Variants in PARP4 observed in about 807,000 individuals in gnomAD.
PARP4 encodes protein mono-ADP-ribosyltransferase PARP4.
A neutral mutation model predicts 187.7 loss-of-function variants in PARP4; 120 were observed. The observed-to-expected ratio is 0.64, with a 90% CI of 0.55 to 0.74. The LOEUF is 0.74. PARP4 is among the 30% of genes least tolerant of loss of function. The pLI is 0.00. For synonymous variants in PARP4, 654 were observed against 740.9 expected (o/e 0.88, Z 1.90); for missense variants, 1,836 against 2,070.5 (o/e 0.89, Z 2.20).
At chr13:24,507,910 AT>A (rs939374803) in intron 1 of PARP4, among the ~76,000 whole-genome samples, 1 of 152,188 alleles carries the variant, frequency 6.6e-6, no homozygotes, top group African/African-American at 2.4e-5. Context: ...CCCATGCTGT[AT>A]CCCCCATCCA....
chr13:24,437,849 C>CA lies in PARP4; in HGVS notation c.3667-2376dup, dbSNP rs1216300092. Among the ~76,000 whole-genome samples the CA allele has an allele frequency of 1.7e-3, 206 of 118,310 alleles. 9 individuals carry two copies. Among genetic ancestry groups the CA allele is most frequent in the South Asian group, 2.1e-3 (8 of 3,744 alleles). The allele number at this position is 118,310 out of a possible 152,430, so 77.6% of individuals were successfully genotyped here. On this transcript the variant is annotated intron_variant, in intron 30 of 33. Coordinates refer to ENST00000381989, the MANE Select transcript of PARP4 (RefSeq NM_006437.4). ...TGGGTGACAGAGTGAGACTCCATCT[C>CA]AAAAAAAAAAAAGAATCATACTGAG...
chr13:24,482,555 C>T (rs1219011060), intron 12 of PARP4, among the ~76,000 whole-genome samples: 1 of 152,164 alleles, frequency 6.6e-6, no homozygotes, highest in Non-Finnish European at 1.5e-5. Flanking sequence ...GACATTGACA[C>T]GAGACCTTCC....
intron 14 of PARP4, among the ~76,000 whole-genome samples, chr13:24,475,975 T>G (rs557203645): frequency 1.3e-5 from 2 of 152,240 alleles, no homozygotes; most frequent in African/African-American, 4.8e-5. Context: ...TTTGTAGAGA[T>G]GAGGTTTAGC....
At chr13:24,426,004 C>T (rs1241233191) in intron 33 of PARP4, among the ~76,000 whole-genome samples, 1 of 152,204 alleles carries the variant, frequency 6.6e-6, no homozygotes, top group African/African-American at 2.4e-5. Context: ...GAGATTAGAA[C>T]ACATTTAATC....
At chr13:24,478,057 A>G in intron 13 of PARP4, 36 bp downstream of exon 13, 3 of 1,524,618 alleles carry the variant, frequency 2.0e-6, no homozygotes, top group Non-Finnish European at 2.7e-6. Flanking sequence ...TTGAGCATTC[A>G]AGACCCTCTT....
chr13:24,462,225 C>T (rs549017986), intron 17 of PARP4, among the ~76,000 whole-genome samples: 6 of 152,272 alleles, frequency 3.9e-5, no homozygotes, highest in South Asian at 2.1e-4. Flanking sequence ...TCACCTCTGT[C>T]GGACAGTGTG....
chr13:24,462,323 T>C (rs905379952), intron 17 of PARP4, among the ~76,000 whole-genome samples: 3 of 152,172 alleles, frequency 2.0e-5, no homozygotes, highest in Non-Finnish European at 4.4e-5. Flanking sequence ...GTAGTGGCAG[T>C]CCACCACTGG....
intron 17 of PARP4, among the ~76,000 whole-genome samples, chr13:24,460,655 T>C (rs1872175178): frequency 6.6e-6 from 1 of 152,250 alleles, no homozygotes; most frequent in South Asian, 2.1e-4. Flanking sequence ...TTAATTATTT[T>C]ACCCTATGGT....
intron 28 of PARP4, among the ~76,000 whole-genome samples, chr13:24,442,903 G>A (rs1871020299): frequency 6.6e-6 from 1 of 152,084 alleles, no homozygotes; most frequent in South Asian, 2.1e-4. Context: ...GCTCTCCCGG[G>A]CAGTGGGCTT....
intron 21 of PARP4, among the ~76,000 whole-genome samples, chr13:24,455,714 C>A (rs1871809345): frequency 6.8e-6 from 1 of 147,684 alleles, no homozygotes; most frequent in Non-Finnish European, 1.5e-5. Context: ...ACCTCCTGGA[C>A]TCAAGTGATC....
chr13:24,500,557 G>A (rs1197620726), intron 3 of PARP4, among the ~76,000 whole-genome samples, 175 bp from the exon 4 acceptor site: 2 of 135,244 alleles, frequency 1.5e-5, no homozygotes, highest in Non-Finnish European at 3.4e-5. Flanking sequence ...ATAAAATAGG[G>A]AGAACATACT....
At chr13:24,449,640 G>T in intron 25 of PARP4, 78 bp downstream of exon 25, 1 of 838,286 alleles carries the variant, frequency 1.2e-6, no homozygotes, top group Non-Finnish European at 2.0e-6. Flanking sequence ...AGGAAACACA[G>T]ATATTCCTAT....
In PARP4 at chr13:24,455,506, T is replaced by TATATATATATATATATATATATCACA. The variant is rs1555234626; in HGVS notation, c.2563-295_2563-294insTGTGATATATATATATATATATATAT. On this transcript the variant is annotated intron_variant, in intron 21 of 33. Coordinates refer to ENST00000381989, the MANE Select transcript of PARP4 (RefSeq NM_006437.4). ...ATATATATATATATATATATATATA[T>TATATATATATATATATATATATCACA]CACACTATTCTAAGAGGAATATACA... Among the ~76,000 whole-genome samples, 405 of 135,196 alleles carry TATATATATATATATATATATATCACA rather than the reference T, an allele frequency of 3.0e-3. 7 individuals carry two copies. The highest frequency in any genetic ancestry group is 4.7e-3 in the Non-Finnish European group (293 of 62,614). The allele number at this position is 135,196 out of a possible 152,430, so 88.7% of individuals were successfully genotyped here.
At position 24,435,254 on chromosome 13, in the gene PARP4, G is replaced by T; in HGVS notation, c.3887C>A (p.Thr1296Lys). The T allele has an allele frequency of 6.2e-7, 1 of 1,613,828 alleles. No homozygotes were observed. The highest frequency in any genetic ancestry group is 1.1e-5 in the South Asian group (1 of 91,064). Residue 1296 changes from threonine to lysine, a missense_variant, in exon 31 of 34, where the codon ACA becomes AAA. Around this residue, in one of 8 missense-constraint regions of PARP4, gnomAD observed 450 missense variants for 439.2 expected, o/e 1.02. Coordinates refer to ENST00000381989, the MANE Select transcript of PARP4 (RefSeq NM_006437.4). The part of the protein sequence containing the change: ...DLSWTESCKP[T>K]ATEPLFKKVS... ...TTTCTTAAATAGTGGTTCAGTTGCT[G>T]TTGGTTTACATGACTCTGTCCAACT...
At chr13:24,424,080 C>T (rs1869895909) in intron 33 of PARP4, among the ~76,000 whole-genome samples, 2 of 152,164 alleles carry the variant, frequency 1.3e-5, no homozygotes, top group African/African-American at 4.8e-5. Context: ...CCGTCTCAGC[C>T]TCCTAAAGTG....
At chr13:24,428,879 C>A (rs1870190163) in intron 32 of PARP4, among the ~76,000 whole-genome samples, 1 of 97,204 alleles carries the variant, frequency 1.0e-5, no homozygotes, top group African/African-American at 3.8e-5. Flanking sequence ...AAGGTGCTGT[C>A]TTTGATCAAT....
chr13:24,500,335 C>G lies in PARP4; in HGVS notation c.382G>C (p.Asp128His), dbSNP rs1356044223. The G allele has an allele frequency of 6.2e-7, 1 of 1,600,662 alleles. No homozygotes were observed. Residue 128 changes from aspartate to histidine, a missense_variant, in exon 4 of 34, where the codon GAC (aspartate) becomes CAC (histidine). Asp to His is a moderately conservative substitution (Grantham distance 81). Coordinates refer to ENST00000381989, the MANE Select transcript of PARP4 (RefSeq NM_006437.4). ...LCPDSATEEE[D>H]TVELTEFGMQ... ...AATTACTCAGTGAGTTCCACAGTGT[C>G]TTCCTCCTCTGTGGCACTGTCCGGG...
rs1223620962 is a variant in PARP4 at position 24,455,000 on chromosome 13, G to A, written c.2758+17C>T. On this transcript the variant is annotated intron_variant, in intron 22 of 33. Transcript: ENST00000381989. ...GTAGGGGAAGCACACGCAGGACCAG[G>A]GCCAAAGCGCACTCACCTGTGCCGA... is the stretch of plus-strand genomic sequence containing the variant. 6.4e-7 allele frequency: 1 copy of A among 1,554,476 alleles called. No homozygotes were observed. The highest frequency in any genetic ancestry group is 1.2e-5 in the South Asian group (1 of 84,746).
intron 30 of PARP4, among the ~76,000 whole-genome samples, chr13:24,439,197 C>T (rs1475504863): frequency 6.6e-6 from 1 of 151,956 alleles, no homozygotes; most frequent in African/African-American, 2.4e-5. Flanking sequence ...CATGGTGGCT[C>T]GCTCCTGTAA....
Sources: gnomAD v4.1 joint callset for allele counts (sites outside exome capture counted in the v4.1 genomes callset) on GRCh38, gnomAD v4.1.1 for gene constraint, gnomAD v4.1.1 regional missense constraint, MANE v1.5 for transcripts, NCBI Gene and HGNC (gene_info 2026-07-23, HGNC 2026-07-21) for gene names.